Variants in TSGA10 observed in about 807,000 individuals in gnomAD.
The protein encoded by TSGA10 is testis specific 10.
Under a neutral mutation model 96.6 loss-of-function variants are expected in TSGA10, and 43 were observed. The ratio of observed to expected loss-of-function variants is 0.44; its 90% CI spans 0.35 to 0.57. The LOEUF is 0.57. Among genes scored for constraint, TSGA10 ranks in the 20% least tolerant of loss-of-function variants. TSGA10 has a pLI of 0.01. For synonymous variants in TSGA10, 229 were observed against 269.9 expected (o/e 0.85, Z 1.48); for missense variants, 703 against 834.4 (o/e 0.84, Z 1.94).
chr2:99,075,616 G>A (rs1187721497), intron 12 of TSGA10, among the ~76,000 whole-genome samples: 1 of 152,132 alleles, frequency 6.6e-6, no homozygotes, highest in Non-Finnish European at 1.5e-5. Context: ...TATCATTATA[G>A]AGAACATTTC....
intron 20 of TSGA10, among the ~76,000 whole-genome samples, chr2:99,004,931 A>G (rs1472064071): frequency 6.6e-6 from 1 of 152,232 alleles, no homozygotes; most frequent in Admixed American, 6.5e-5. Flanking sequence ...GCACATCAAA[A>G]AGCTTATCCA....
At chr2:99,146,175 C>T (rs553458922) in intron 1 of TSGA10, among the ~76,000 whole-genome samples, 4 of 152,244 alleles carry the variant, frequency 2.6e-5, no homozygotes, top group South Asian at 4.1e-4. Context: ...CCCAGCTACT[C>T]GGGAGGCCTC....
rs780921721 is a variant in TSGA10, at chr2:99,064,964, T to C, written c.1379A>G (p.Asp460Gly). ...TTGCTCAACCTCTCTGTTGAGGGAA[T>C]CTACTTTTTCTTTTAATCTGTTACC... ...AEGNRLKEKV[D>G]SLNREVEQHL... The change falls in exon 16 of 21, where the codon GAT (aspartate) becomes GGT (glycine). Residue 460 changes from aspartate (D) to glycine (G), a missense_variant. By Grantham distance (94) the Asp-to-Gly change is moderately conservative. Around this residue, in one of 3 missense-constraint regions of TSGA10, gnomAD observed 585 missense variants for 656.8 expected, o/e 0.89. Coordinates refer to ENST00000393483, the MANE Select transcript of TSGA10 (RefSeq NM_025244.4). 153 of 1,601,732 alleles carry C rather than the reference T, an allele frequency of 9.6e-5. No homozygotes were observed. Among genetic ancestry groups the C allele is most frequent in the Non-Finnish European group, 1.2e-4 (144 of 1,175,836 alleles).
chr2:99,109,202 T>C (rs2091611842), intron 6 of TSGA10, among the ~76,000 whole-genome samples, 187 bp downstream of exon 6: 1 of 152,234 alleles, frequency 6.6e-6, no homozygotes, highest in African/African-American at 2.4e-5. Context: ...GTGCTAATTA[T>C]GCTGAGGATA....
chr2:99,091,260 T>G (rs181321320), intron 10 of TSGA10, among the ~76,000 whole-genome samples: 1 of 152,110 alleles, frequency 6.6e-6, no homozygotes, highest in African/African-American at 2.4e-5. Context: ...TACAAAGAAC[T>G]GCAAAACGAG....
At chr2:99,042,785 C>T (rs2082329578) in intron 16 of TSGA10, among the ~76,000 whole-genome samples, 1 of 151,608 alleles carries the variant, frequency 6.6e-6, no homozygotes, top group Non-Finnish European at 1.5e-5. Context: ...CTCACTGCAA[C>T]CTCTGCTTCC....
chr2:99,061,300 G>A (rs759301266), intron 16 of TSGA10, among the ~76,000 whole-genome samples: 3 of 152,152 alleles, frequency 2.0e-5, no homozygotes, highest in African/African-American at 7.2e-5. Context: ...ATCATTAGTC[G>A]TGAGGAAAAG....
At chr2:99,106,967 C>T (rs148791114) in intron 7 of TSGA10, among the ~76,000 whole-genome samples, 15 of 152,288 alleles carry the variant, frequency 9.8e-5, no homozygotes, top group Admixed American at 2.6e-4. Flanking sequence ...TAACTCTTGC[C>T]TCTCTCTACT....
At chr2:99,114,906 G>A (rs1359312845) in intron 4 of TSGA10, among the ~76,000 whole-genome samples, 2 of 152,044 alleles carry the variant, frequency 1.3e-5, no homozygotes. Flanking sequence ...CAAAAACAAG[G>A]AAGACATACT....
At chr2:99,127,006 C>T (rs1002799026) in intron 2 of TSGA10, 42 bp downstream of exon 2, 1 of 1,279,754 alleles carries the variant, frequency 7.8e-7, no homozygotes, top group Non-Finnish European at 1.0e-6. Context: ...TAGGCTCCCA[C>T]CCCAAATTAA....
intron 10 of TSGA10, among the ~76,000 whole-genome samples, chr2:99,087,323 G>A (rs1326968077): frequency 2.6e-5 from 4 of 151,900 alleles, no homozygotes; most frequent in South Asian, 2.1e-4. Flanking sequence ...CCTGACCAAC[G>A]TGGAGAAACC....
intron 1 of TSGA10, among the ~76,000 whole-genome samples, chr2:99,153,791 A>G (rs890850837): frequency 6.6e-6 from 1 of 152,242 alleles, no homozygotes; most frequent in African/African-American, 2.4e-5. Context: ...AGGAGGTGTC[A>G]TTATGTCTTC....
At chr2:99,087,951 C>T (rs2088764921) in intron 10 of TSGA10, among the ~76,000 whole-genome samples, 1 of 152,186 alleles carries the variant, frequency 6.6e-6, no homozygotes, top group African/African-American at 2.4e-5. Context: ...TAAAACCACA[C>T]AATTATACCT....
intron 10 of TSGA10, among the ~76,000 whole-genome samples, chr2:99,100,117 T>C (rs944863833): frequency 6.6e-6 from 1 of 152,184 alleles, no homozygotes; most frequent in Admixed American, 6.5e-5. Context: ...TAATCTATGA[T>C]TCAACTCAAT....
At chr2:99,074,042 T>G (rs1404656372) in intron 12 of TSGA10, among the ~76,000 whole-genome samples, 1 of 137,274 alleles carries the variant, frequency 7.3e-6, no homozygotes, top group African/African-American at 2.9e-5. Context: ...GATGGAGTTT[T>G]GCTCTTGATG....
chr2:99,090,881 C>A (rs1324724485), intron 10 of TSGA10, among the ~76,000 whole-genome samples: 2 of 152,180 alleles, frequency 1.3e-5, no homozygotes, highest in African/African-American at 4.8e-5. Flanking sequence ...CTTCCCTAGC[C>A]TTGCTAGAGA....
chr2:99,045,737 T>G (rs2082701055), intron 16 of TSGA10, among the ~76,000 whole-genome samples: 1 of 152,166 alleles, frequency 6.6e-6, no homozygotes, highest in African/African-American at 2.4e-5. Context: ...ATGACAATAT[T>G]AACCTTAAAT....
At chr2:99,043,680 C>T (rs1038181729) in intron 16 of TSGA10, among the ~76,000 whole-genome samples, 8 of 152,116 alleles carry the variant, frequency 5.3e-5, no homozygotes, top group African/African-American at 1.9e-4. Context: ...ATATTAACAA[C>T]TGGCTTCTAA....
rs573372545 is a variant in TSGA10, at chr2:99,059,617, C to A, written c.1404+5322G>T. ...TCACGCCACTGCACACCAGCCTGGG[C>A]GACAGAGCAAGACTCAGTCTTGGGG... On this transcript the variant is annotated intron_variant, in intron 16 of 20. Coordinates refer to ENST00000393483, the MANE Select transcript of TSGA10 (RefSeq NM_025244.4). 2.0e-5 allele frequency among the ~76,000 whole-genome samples: 3 copies of A among 151,804 alleles called. No individual in the cohort carries two copies. In the East Asian group the frequency reaches 5.8e-4, roughly 29 times the overall value.
Sources: allele counts gnomAD v4.1 joint callset (sites outside exome capture counted in the v4.1 genomes callset), GRCh38; gene constraint gnomAD v4.1.1; regional missense constraint gnomAD v4.1.1; transcripts MANE v1.5; gene names NCBI Gene and HGNC (gene_info 2026-07-23, HGNC 2026-07-21).